ASTN2: variants seen among roughly 807,000 people sequenced by gnomAD.
The protein encoded by ASTN2 is astrotactin-2.
A neutral mutation model predicts 139.8 loss-of-function variants in ASTN2; 54 were observed. The observed-to-expected ratio is 0.39, with a 90% CI of 0.31 to 0.48. The LOEUF (loss-of-function observed/expected upper bound fraction) is 0.48, where lower values mean the gene tolerates loss of function less well. Ranked by LOEUF, ASTN2 falls within the 20% of genes least tolerant of loss-of-function variation. The pLI, the probability that ASTN2 is intolerant of heterozygous loss-of-function variation, is 0.95. For missense variants in ASTN2, 1,565 were observed against 1,725.1 expected (o/e 0.91, Z 1.64); for synonymous variants, 756 against 719.5 (o/e 1.05, Z -0.81).
At chr9:116,992,980 C>T (rs1836901577) in intron 7 of ASTN2, among the ~76,000 whole-genome samples, 4 of 152,150 alleles carry the variant, frequency 2.6e-5, no homozygotes, top group African/African-American at 9.7e-5. Context: ...ATCAGTCTTC[C>T]CCATCAGTCT....
chr9:116,713,554 C>T (rs945710400), intron 16 of ASTN2, among the ~76,000 whole-genome samples: 3 of 152,188 alleles, frequency 2.0e-5, no homozygotes, highest in Non-Finnish European at 2.9e-5. Flanking sequence ...TTTTTTCGCT[C>T]TTCCTGACTA....
In ASTN2 at chr9:116,545,521, A is replaced by G. The variant is rs147328649; in HGVS notation, c.3356-58021T>C. On this transcript the variant is annotated intron_variant, in intron 19 of 22. Transcript: ENST00000313400. ...GATTGGGGCTTACACACCCTACTCC[A>G]TTAAGCAATTTCATTGTATAGCTTG... 2.6e-3 allele frequency among the ~76,000 whole-genome samples: 398 copies of G among 152,332 alleles called. 1 individual carries two copies. The highest frequency in any genetic ancestry group is 9.2e-3 in the African/African-American group (381 of 41,586).
At chr9:116,624,041 C>T (rs1002145221) in intron 17 of ASTN2, among the ~76,000 whole-genome samples, 2 of 152,138 alleles carry the variant, frequency 1.3e-5, no homozygotes, top group South Asian at 4.1e-4. Context: ...TTAATGGCTA[C>T]ATTTGCATGG....
chr9:117,367,505 G>A (rs1829875760), intron 1 of ASTN2, among the ~76,000 whole-genome samples: 1 of 152,124 alleles, frequency 6.6e-6, no homozygotes, highest in Non-Finnish European at 1.5e-5. Context: ...ATGGTAAAGA[G>A]AAGGGTGTGT....
At chr9:117,125,139 C>A (rs562120824) in intron 4 of ASTN2, among the ~76,000 whole-genome samples, 10 of 152,294 alleles carry the variant, frequency 6.6e-5, no homozygotes, top group African/African-American at 2.2e-4. Context: ...CATGCTCCCT[C>A]TTCTTATTAC....
At chr9:116,984,288 G>T (rs1836612459) in intron 7 of ASTN2, among the ~76,000 whole-genome samples, 1 of 152,128 alleles carries the variant, frequency 6.6e-6, no homozygotes, top group Non-Finnish European at 1.5e-5. Context: ...CTGTTGGCCA[G>T]TTATCTTTTC....
intron 2 of ASTN2, among the ~76,000 whole-genome samples, chr9:117,230,649 T>A (rs1832863124): frequency 6.6e-6 from 1 of 151,962 alleles, no homozygotes; most frequent in Non-Finnish European, 1.5e-5. Flanking sequence ...GTTGCAAGAG[T>A]CACTGAAGCA....
intron 1 of ASTN2, among the ~76,000 whole-genome samples, chr9:117,396,447 C>T (rs190353444): frequency 3.9e-5 from 6 of 152,120 alleles, no homozygotes; most frequent in African/African-American, 1.4e-4. Flanking sequence ...GTTTTCCAGA[C>T]CTGCTTATGC....
intron 5 of ASTN2, among the ~76,000 whole-genome samples, chr9:117,046,340 C>T (rs1468541082): frequency 2.0e-5 from 3 of 152,084 alleles, no homozygotes; most frequent in East Asian, 1.9e-4. Context: ...AATCCAAAGT[C>T]TTCCATTTGA....
intron 20 of ASTN2, among the ~76,000 whole-genome samples, chr9:116,486,715 T>A (rs531724999): frequency 1.6e-4 from 24 of 152,230 alleles, no homozygotes; most frequent in African/African-American, 5.5e-4. Context: ...CAACACTCAT[T>A]GAGGTAGGAA....
At position 116,747,693 on chromosome 9, in the gene ASTN2, G is replaced by GCACACACACA. The variant is rs56265727; in HGVS notation, c.2397-14180_2397-14171dup. Among the ~76,000 whole-genome samples the GCACACACACA allele has an allele frequency of 3.6e-4, 53 of 149,160 alleles. No individual in the cohort carries two copies. In the South Asian group the frequency reaches 8.2e-3, roughly 23 times the overall value. Reference sequence around the variant, plus strand: ...CTCATTTATACACAGGTGTGCATGAGCACACACACACACACACACACACAC... The same window carrying GCACACACACA: ...CTCATTTATACACAGGTGTGCATGAGCACACACACACACACACACACACACACACACACAC... On this transcript the variant is annotated intron_variant, in intron 13 of 22. Transcript: ENST00000313400.
At chr9:116,617,184 C>T (rs1855901131) in intron 19 of ASTN2, among the ~76,000 whole-genome samples, 1 of 152,156 alleles carries the variant, frequency 6.6e-6, no homozygotes, top group African/African-American at 2.4e-5. Context: ...ACTTCTTTTA[C>T]ATTCACAGCC....
intron 6 of ASTN2, among the ~76,000 whole-genome samples, chr9:117,016,724 T>G (rs867486349): frequency 9.8e-5 from 14 of 142,548 alleles, no homozygotes; most frequent in South Asian, 2.1e-4. Flanking sequence ...TATATATATA[T>G]GTTATATATA....
chr9:116,814,458 A>T (rs572183318), intron 12 of ASTN2, among the ~76,000 whole-genome samples: 2 of 152,098 alleles, frequency 1.3e-5, no homozygotes, highest in African/African-American at 4.8e-5. Context: ...TCCATGGGAA[A>T]CTCTGGATTA....
chr9:116,489,268 G>C (rs1048753884), intron 19 of ASTN2, among the ~76,000 whole-genome samples: 5 of 152,118 alleles, frequency 3.3e-5, no homozygotes, highest in African/African-American at 1.2e-4. Flanking sequence ...AGAATATACA[G>C]ATCACTTCCT....
intron 19 of ASTN2, among the ~76,000 whole-genome samples, chr9:116,529,423 T>C (rs551211031): frequency 6.6e-6 from 1 of 152,306 alleles, no homozygotes; most frequent in Non-Finnish European, 1.5e-5. Flanking sequence ...CCCCATTGTA[T>C]CTTAGAAGTA....
intron 10 of ASTN2, among the ~76,000 whole-genome samples, chr9:116,868,833 C>T (rs1244578472): frequency 6.6e-6 from 1 of 152,206 alleles, no homozygotes; most frequent in Non-Finnish European, 1.5e-5. Context: ...GGACTCCTGC[C>T]TCTGTCCCCA....
intron 1 of ASTN2, among the ~76,000 whole-genome samples, chr9:117,322,615 C>G (rs1368998461): frequency 6.6e-6 from 1 of 152,166 alleles, no homozygotes; most frequent in Non-Finnish European, 1.5e-5. Flanking sequence ...TGCCATCTTG[C>G]TTCCTACAGT....
chr9:116,469,046 C>T (rs1848733762), intron 20 of ASTN2, among the ~76,000 whole-genome samples: 1 of 152,178 alleles, frequency 6.6e-6, no homozygotes, highest in African/African-American at 2.4e-5. Flanking sequence ...CTCGTCTGAA[C>T]TCTCATATCA....
Sources: gnomAD v4.1 joint callset for allele counts (sites outside exome capture counted in the v4.1 genomes callset) on GRCh38, gnomAD v4.1.1 for gene constraint, MANE v1.5 for transcripts, NCBI Gene and HGNC (gene_info 2026-07-23, HGNC 2026-07-21) for gene names.